The following SCARB1 variants were observed in gnomAD, a reference collection of about 807,000 sequenced individuals.
SCARB1 encodes scavenger receptor class B member 1.
In SCARB1, 30 loss-of-function variants were observed where a neutral mutation model predicts 57.2. That is an observed-to-expected ratio of 0.52 (90% CI 0.39 to 0.71). The LOEUF is 0.71. SCARB1 is among the 30% of genes least tolerant of loss of function. The pLI, the probability that SCARB1 is intolerant of heterozygous loss-of-function variation, is 0.00. For synonymous variants in SCARB1, 249 were observed against 268.3 expected (o/e 0.93, Z 0.70); for missense variants, 543 against 671.2 (o/e 0.81, Z 2.11).
intron 1 of SCARB1, among the ~76,000 whole-genome samples, chr12:124,855,597 G>A (rs1258619146): frequency 1.3e-5 from 2 of 152,168 alleles, no homozygotes; most frequent in South Asian, 2.1e-4. Flanking sequence ...TTTGTTTTGC[G>A]TTTTTGATTT....
At chr12:124,791,784 C>T (rs1162629072) in intron 9 of SCARB1, among the ~76,000 whole-genome samples, 4 of 152,056 alleles carry the variant, frequency 2.6e-5, no homozygotes, top group East Asian at 3.9e-4. Flanking sequence ...AGTGAAACCC[C>T]GTCTCTACTA....
rs1420051594 is a variant in SCARB1, at chr12:124,810,073, C to A, written c.842+101G>T. The A allele has an allele frequency of 2.6e-6, 2 of 772,258 alleles. No homozygotes were observed. The highest frequency in any genetic ancestry group is 1.5e-5 in the South Asian group (1 of 68,876). The allele number at this position is 772,258 out of a possible 1,614,324, so 47.8% of individuals were successfully genotyped here. A position where few individuals can be genotyped will look rare whatever the true frequency, so the allele number is the denominator to read the frequency against. On this transcript the variant is annotated intron_variant, in intron 6 of 12. Transcript: ENST00000261693. The surrounding 1 kb of genome is among the most constrained non-coding windows in gnomAD (Gnocchi z 4.0). ...GGTGCCAAGGGCTACTGAGTCAAAT[C>A]CACGATGAGTCAAAATGCTTTCCAA...
rs1207359844 is a variant in SCARB1 at position 124,796,617 on chromosome 12, G to A, written c.1129-1349C>T. ...TGACAGAATTTTTGCAAGAGCAAAA[G>A]TAAGGTATGCAAGATAGCCACACGC... On this transcript the variant is annotated intron_variant, in intron 8 of 12. Coordinates refer to ENST00000261693, the MANE Select transcript of SCARB1 (RefSeq NM_005505.5). This position sits in a 1 kb window ranked among gnomAD's most constrained non-coding sequence, Gnocchi z 4.0. Among the ~76,000 whole-genome samples the A allele has an allele frequency of 2.0e-5, 3 of 152,224 alleles. No individual in the cohort carries two copies. Among genetic ancestry groups the A allele is most frequent in the Non-Finnish European group, 1.5e-5 (1 of 68,042 alleles).
chr12:124,834,964 C>G (rs1951574028), intron 1 of SCARB1, among the ~76,000 whole-genome samples: 1 of 152,084 alleles, frequency 6.6e-6, no homozygotes, highest in South Asian at 2.1e-4. Flanking sequence ...CTTGGGAACT[C>G]GATAAAAAAG....
Position 124,820,242 on chromosome 12 carries a change from C to G in SCARB1, c.127-2535G>C, listed in dbSNP as rs543808820. Among the ~76,000 whole-genome samples the G allele has an allele frequency of 4.6e-5, 7 of 152,226 alleles. No individual in the cohort carries two copies. The South Asian group carries it at 1.4e-3, about 32-fold the overall frequency. On this transcript the variant is annotated intron_variant, in intron 1 of 12. Coordinates refer to ENST00000261693, the MANE Select transcript of SCARB1 (RefSeq NM_005505.5). ...GCCTGGTGATGCTGTTCACTGTGTTCTCATCCTCTGAACAGCACCATTACT... is the reference window on the plus strand; with the variant it reads ...GCCTGGTGATGCTGTTCACTGTGTTGTCATCCTCTGAACAGCACCATTACT...
chr12:124,827,415 A>G (rs1215261458), intron 1 of SCARB1, among the ~76,000 whole-genome samples: 3 of 112,722 alleles, frequency 2.7e-5, no homozygotes, highest in African/African-American at 2.0e-4. Flanking sequence ...AGGGGTTAAT[A>G]TTATTATTAT....
At position 124,810,116 on chromosome 12, in the gene SCARB1, C is replaced by T; in HGVS notation, c.842+58G>A. 2 of 1,095,844 alleles carry T rather than the reference C, an allele frequency of 1.8e-6. No homozygotes were observed. Among genetic ancestry groups the T allele is most frequent in the Non-Finnish European group, 2.8e-6 (2 of 713,370 alleles). 67.9% of individuals were successfully genotyped at this position (1,095,844 alleles called of 1,614,324 possible). ...CTTTCCAAGTGCACAGCCAACACCA[C>T]AGAATTTGGCCATGAGCTACCCAGG... On this transcript the variant is annotated intron_variant, in intron 6 of 12. Coordinates refer to ENST00000261693, the MANE Select transcript of SCARB1 (RefSeq NM_005505.5). This position sits in a 1 kb window ranked among gnomAD's most constrained non-coding sequence, Gnocchi z 4.0.
At chr12:124,813,909 C>T (rs1950604535) in intron 4 of SCARB1, among the ~76,000 whole-genome samples, 1 of 152,188 alleles carries the variant, frequency 6.6e-6, no homozygotes, top group African/African-American at 2.4e-5. Context: ...TCCCCAGCAG[C>T]CATGCCCCCT....
chr12:124,840,241 T>G (rs60430451), intron 1 of SCARB1, among the ~76,000 whole-genome samples: 28,600 of 151,930 alleles, frequency 0.19, 3,828 homozygotes, highest in African/African-American at 0.35. Flanking sequence ...GAGTACAGTC[T>G]TGGCTCACTG....
At chr12:124,840,532 CTTG>C (rs949342362) in intron 1 of SCARB1, among the ~76,000 whole-genome samples, 23 of 152,238 alleles carry the variant, frequency 1.5e-4, no homozygotes, top group African/African-American at 5.1e-4. Flanking sequence ...TTGTCTGACT[CTTG>C]TTGTTGAGTT....
rs185442761 is a variant in SCARB1 at position 124,805,517 on chromosome 12, C to T, written c.1009+2244G>A. ...GGCCATGGTGGGAGTTTGGACTTCACTATGAATGCAGACAGAGCTGCCAGA... is the reference window on the plus strand; with the variant it reads ...GGCCATGGTGGGAGTTTGGACTTCATTATGAATGCAGACAGAGCTGCCAGA... On this transcript the variant is annotated intron_variant, in intron 7 of 12. Coordinates refer to ENST00000261693, the MANE Select transcript of SCARB1 (RefSeq NM_005505.5). 6.6e-5 allele frequency among the ~76,000 whole-genome samples: 10 copies of T among 152,246 alleles called. No homozygotes were observed. The East Asian group carries it at 1.5e-3, about 23-fold the overall frequency.
In SCARB1 at chr12:124,817,019, CAT is replaced by C. The variant is rs1491230324; in HGVS notation, c.284+529_284+530del. Among the ~76,000 whole-genome samples the C allele has an allele frequency of 1.1e-4, 13 of 116,408 alleles. No individual in the cohort carries two copies. The highest frequency in any genetic ancestry group is 1.9e-4 in the Non-Finnish European group (11 of 56,712). The allele number at this position is 116,408 out of a possible 152,430, so 76.4% of individuals were successfully genotyped here. The stretch of plus-strand genomic sequence containing the variant: ...GGGTCGGTCCCTGCTCCTGGTCATG[CAT>C]GTGTGTGTGTGTGTGTGTGTGTGTG... On this transcript the variant is annotated intron_variant, in intron 2 of 12. Coordinates refer to ENST00000261693, the MANE Select transcript of SCARB1 (RefSeq NM_005505.5). This position sits in a 1 kb window ranked among gnomAD's most constrained non-coding sequence, Gnocchi z 4.8.
At position 124,837,468 on chromosome 12, in the gene SCARB1, AAAGAAAGGAAGGAAGG is replaced by A. The variant is rs1435397267; in HGVS notation, c.127-19777_127-19762del. On this transcript the variant is annotated intron_variant, in intron 1 of 12. Coordinates refer to ENST00000261693, the MANE Select transcript of SCARB1 (RefSeq NM_005505.5). Reference sequence around the variant, plus strand: ...AAAAGAAAGAAAGAAGGAAAGAAAGAAAGAAAGGAAGGAAGGAAGGAAGGAAGGAAGGAAGGGAGAA... The same window carrying A: ...AAAAGAAAGAAAGAAGGAAAGAAAGAAAGGAAGGAAGGAAGGAAGGGAGAA... 2.5e-4 allele frequency among the ~76,000 whole-genome samples: 30 copies of A among 121,596 alleles called. 1 individual carries two copies. The highest frequency in any genetic ancestry group is 1.2e-3 in the East Asian group (4 of 3,402). 79.8% of individuals were successfully genotyped at this position (121,596 alleles called of 152,430 possible). A position where few individuals can be genotyped will look rare whatever the true frequency, so the allele number is the denominator to read the frequency against.
chr12:124,832,347 C>T (rs1189133358), intron 1 of SCARB1, among the ~76,000 whole-genome samples: 2 of 152,060 alleles, frequency 1.3e-5, no homozygotes, highest in African/African-American at 4.8e-5. Context: ...TAGTGAAATC[C>T]CGACTCTACT....
intron 12 of SCARB1, among the ~76,000 whole-genome samples, chr12:124,781,988 C>A (rs1269513926): frequency 2.6e-5 from 4 of 152,194 alleles, no homozygotes; most frequent in Non-Finnish European, 5.9e-5. Context: ...TCACTGCAAC[C>A]TCCATCTCCC....
chr12:124,821,272 G>GCACA (rs967827072), intron 1 of SCARB1: 3 of 413,094 alleles, frequency 7.3e-6, no homozygotes, highest in African/African-American at 2.2e-5. Context: ...ACACACACGC[G>GCACA]CACACACACA....
rs1320612792 is a variant in SCARB1 at position 124,822,306 on chromosome 12, C to T, written c.127-4599G>A. On this transcript the variant is annotated intron_variant, in intron 1 of 12. Coordinates refer to ENST00000261693, the MANE Select transcript of SCARB1 (RefSeq NM_005505.5). The surrounding 1 kb of genome is among the most constrained non-coding windows in gnomAD (Gnocchi z 5.0). ...CCATCAACAGATAAATGAATTGCCA[C>T]ATATCCACACAATGGAATGCTACCT... 6.6e-6 allele frequency among the ~76,000 whole-genome samples: 1 copy of T among 152,136 alleles called. No individual in the cohort carries two copies. Among genetic ancestry groups the T allele is most frequent in the Non-Finnish European group, 1.5e-5 (1 of 68,024 alleles).
intron 12 of SCARB1, among the ~76,000 whole-genome samples, chr12:124,781,719 AT>A (rs1348274405): frequency 2.6e-5 from 4 of 152,058 alleles, no homozygotes; most frequent in Non-Finnish European, 4.4e-5. Flanking sequence ...AAAATTACTT[AT>A]TGCTTACCAG....
At chr12:124,851,607 C>CTTT (rs1566256898) in intron 1 of SCARB1, among the ~76,000 whole-genome samples, 1 of 143,388 alleles carries the variant, frequency 7.0e-6, no homozygotes, top group African/African-American at 2.8e-5. Flanking sequence ...TAAAGGATTC[C>CTTT]ATTTTTTTTT....
Sources: allele counts gnomAD v4.1 joint callset (sites outside exome capture counted in the v4.1 genomes callset), GRCh38; gene constraint gnomAD v4.1.1; non-coding constraint Gnocchi (gnomAD v3.1); transcripts MANE v1.5; gene names NCBI Gene and HGNC (gene_info 2026-07-23, HGNC 2026-07-21).